The following SHTN1 variants were observed in gnomAD, a reference collection of about 807,000 sequenced individuals.
SHTN1 encodes the protein shootin 1.
SHTN1 carries 42 observed loss-of-function variants against 83.1 expected under a neutral mutation model. The ratio of observed to expected loss-of-function variants is 0.51; its 90% CI spans 0.39 to 0.65. The LOEUF (loss-of-function observed/expected upper bound fraction) is 0.65, where lower values mean the gene tolerates loss of function less well. Among genes scored for constraint, SHTN1 ranks in the 30% least tolerant of loss-of-function variants. SHTN1 has a pLI of 0.00. For synonymous variants in SHTN1, 224 were observed against 247.7 expected, an observed-to-expected ratio of 0.90 and a Z score of 0.90; for missense variants, 622 against 737.8, an observed-to-expected ratio of 0.84 and a Z score of 1.82.
At chr10:117,089,424 C>T (rs1347606370) in intron 1 of SHTN1, among the ~76,000 whole-genome samples, 1 of 152,102 alleles carries the variant, frequency 6.6e-6, no homozygotes, top group East Asian at 1.9e-4. Context: ...ATTTAACTTA[C>T]AACATATAAA....
chr10:117,081,721 T>C (rs1202021098), intron 1 of SHTN1, among the ~76,000 whole-genome samples: 10 of 148,610 alleles, frequency 6.7e-5, no homozygotes, highest in African/African-American at 2.5e-4. Context: ...GATCCTGTTA[T>C]TGGTCTATTC....
chr10:116,891,810 T>G (rs1847350938), intron 16 of SHTN1, among the ~76,000 whole-genome samples: 1 of 152,206 alleles, frequency 6.6e-6, no homozygotes, highest in African/African-American at 2.4e-5. Context: ...ACTTTCTATA[T>G]TACTACCGAT....
rs753636812 is a variant in SHTN1 at position 116,930,022 on chromosome 10, A to T, written c.859-20T>A. 2 of 1,500,294 alleles carry T rather than the reference A, an allele frequency of 1.3e-6. No homozygotes were observed. The highest frequency in any genetic ancestry group is 2.9e-5 in the African/African-American group (2 of 70,034). 92.9% of individuals were successfully genotyped at this position (1,500,294 alleles called of 1,614,324 possible). On this transcript the variant is annotated intron_variant, in intron 9 of 16. Coordinates refer to ENST00000355371, the MANE Select transcript of SHTN1 (RefSeq NM_001127211.3). Reference sequence around the variant, plus strand: ...TTTGACCTATAAGTTATTTAAAAAAAAAAGACTTTTATGGCTGACAGTTTT... The same window carrying T: ...TTTGACCTATAAGTTATTTAAAAAATAAAGACTTTTATGGCTGACAGTTTT...
chr10:117,104,882 ACT>A (rs1240774751), intron 1 of SHTN1, among the ~76,000 whole-genome samples: 4 of 151,034 alleles, frequency 2.6e-5, no homozygotes, highest in African/African-American at 7.3e-5. Context: ...AGTATGTCTG[ACT>A]CTCTGTGGGA....
chr10:116,925,183 A>C (rs1383696178), intron 11 of SHTN1, among the ~76,000 whole-genome samples: 3 of 152,136 alleles, frequency 2.0e-5, no homozygotes, highest in Non-Finnish European at 4.4e-5. Flanking sequence ...TTCCATGAGG[A>C]TGTTGTGGAT....
intron 1 of SHTN1, among the ~76,000 whole-genome samples, chr10:117,113,439 A>AAGCAGGCTGG (rs1458930672): frequency 6.6e-6 from 1 of 152,200 alleles, no homozygotes; most frequent in African/African-American, 2.4e-5. Context: ...CCAACTGCTG[A>AAGCAGGCTGG]AGCAGGCTGG....
chr10:117,124,752 C>T (rs1297407291), intron 1 of SHTN1, among the ~76,000 whole-genome samples: 2 of 152,120 alleles, frequency 1.3e-5, no homozygotes, highest in African/African-American at 4.8e-5. Context: ...CCAGCCTGGG[C>T]GATGCAGTGA....
intron 1 of SHTN1, among the ~76,000 whole-genome samples, chr10:117,085,938 T>TTG (rs1431871576): frequency 6.7e-6 from 1 of 149,766 alleles, no homozygotes; most frequent in Non-Finnish European, 1.5e-5. Context: ...TTTTTTTTTT[T>TTG]GAGACGGAGT....
At position 117,105,827 on chromosome 10, in the gene SHTN1, G is replaced by A. The variant is rs551960093; in HGVS notation, c.-189+20480C>T. On this transcript the variant is annotated intron_variant, in intron 1 of 17. Transcript: ENST00000392901. ...GAGCACAGGAGTTCGAGACAGGCCC[G>A]GGCAACATAGTGAAACCCTGTCTCT... 2.6e-4 allele frequency among the ~76,000 whole-genome samples: 39 copies of A among 152,108 alleles called. 1 individual carries two copies. The highest frequency in any genetic ancestry group is 5.9e-4 in the Admixed American group (9 of 15,274).
At chr10:116,979,873 G>A (rs145717140) in intron 1 of SHTN1, among the ~76,000 whole-genome samples, 3 of 152,282 alleles carry the variant, frequency 2.0e-5, no homozygotes, top group Non-Finnish European at 4.4e-5. Flanking sequence ...AATGTCACAC[G>A]TCTGCTTTAT....
intron 2 of SHTN1, among the ~76,000 whole-genome samples, chr10:117,014,405 G>T (rs1852150865): frequency 6.6e-6 from 1 of 152,132 alleles, no homozygotes; most frequent in Non-Finnish European, 1.5e-5. Context: ...GAAGGGGAAG[G>T]GATGGGGGAA....
intron 7 of SHTN1, among the ~76,000 whole-genome samples, chr10:116,946,739 A>T (rs1372074533): frequency 3.3e-5 from 5 of 150,050 alleles, no homozygotes. Flanking sequence ...TGAGAGATGG[A>T]GTCTCACTAT....
intron 2 of SHTN1, among the ~76,000 whole-genome samples, chr10:117,046,549 T>C (rs1194809464): frequency 2.0e-5 from 3 of 152,028 alleles, no homozygotes; most frequent in Admixed American, 6.5e-5. Context: ...ACTGAAAACA[T>C]ATGTACACAC....
chr10:116,996,811 C>T (rs1851642955), intron 1 of SHTN1, among the ~76,000 whole-genome samples: 1 of 152,156 alleles, frequency 6.6e-6, no homozygotes, highest in Non-Finnish European at 1.5e-5. Context: ...AGACAATATA[C>T]TTAAATCTGT....
intron 2 of SHTN1, chr10:116,974,251 C>T: frequency 2.1e-6 from 1 of 467,776 alleles, no homozygotes; most frequent in Non-Finnish European, 2.8e-6. Context: ...GACTCATTTT[C>T]ACTTTCAAAC....
intron 15 of SHTN1, among the ~76,000 whole-genome samples, chr10:116,905,798 C>T (rs1023752232): frequency 6.6e-6 from 1 of 152,148 alleles, no homozygotes; most frequent in Non-Finnish European, 1.5e-5. Flanking sequence ...TTTTTGAAGT[C>T]GGCTTCCTAC....
intron 10 of SHTN1, among the ~76,000 whole-genome samples, chr10:116,928,896 T>C (rs982472323): frequency 6.6e-6 from 1 of 152,232 alleles, no homozygotes; most frequent in African/African-American, 2.4e-5. Flanking sequence ...ATAATAAGTA[T>C]TAATAGAAGG....
intron 1 of SHTN1, among the ~76,000 whole-genome samples, chr10:117,072,593 G>T (rs1853099586): frequency 6.6e-6 from 1 of 152,136 alleles, no homozygotes; most frequent in Non-Finnish European, 1.5e-5. Flanking sequence ...TTGCTAGGTG[G>T]CTAGACCCAG....
chr10:116,901,481 CAG>C (rs1358101651), intron 16 of SHTN1: 2 of 984,896 alleles, frequency 2.0e-6, no homozygotes, highest in African/African-American at 3.5e-5. Context: ...TCTCCTGACG[CAG>C]AGTCTGTATC....
Sources: allele counts gnomAD v4.1 joint callset (sites outside exome capture counted in the v4.1 genomes callset), GRCh38; gene constraint gnomAD v4.1.1; transcripts MANE v1.5; gene names NCBI Gene and HGNC (gene_info 2026-07-23, HGNC 2026-07-21).